TRPM1: variants seen among roughly 807,000 people sequenced by gnomAD.
The protein encoded by TRPM1 is TRPM1-203 APA Isoform, Intron 10.
A neutral mutation model predicts 149.4 loss-of-function variants in TRPM1; 113 were observed. That is an observed-to-expected ratio of 0.76 (90% CI 0.65 to 0.88). The LOEUF is 0.88. Among genes scored for constraint, TRPM1 ranks in the 40% least tolerant of loss-of-function variants. TRPM1 has a pLI of 0.00. For missense variants in TRPM1, 1,976 were observed against 2,038.7 expected, an observed-to-expected ratio of 0.97 and a Z score of 0.59; for synonymous variants, 741 against 759.5, an observed-to-expected ratio of 0.98 and a Z score of 0.40.
intron 1 of TRPM1, among the ~76,000 whole-genome samples, chr15:31,156,195 C>CAAAAA (rs35981768): frequency 2.7e-5 from 1 of 36,636 alleles, no homozygotes. Context: ...AGACCTCTGT[C>CAAAAA]AAAAAAAAAA....
chr15:31,062,529 A>G (rs1483299846), intron 9 of TRPM1, 50 bp downstream of exon 9: 2 of 1,611,204 alleles, frequency 1.2e-6, no homozygotes, highest in Admixed American at 1.7e-5. Flanking sequence ...AGAAAAGGAA[A>G]CATAATTCTC....
At chr15:31,068,387 G>A (rs905708485) in intron 4 of TRPM1, among the ~76,000 whole-genome samples, 4 of 152,138 alleles carry the variant, frequency 2.6e-5, no homozygotes, top group Non-Finnish European at 5.9e-5. Context: ...GAGGTGGGAT[G>A]TTAGAAGGTG....
chr15:31,004,626 C>A (rs2031916186), intron 27 of TRPM1, among the ~76,000 whole-genome samples: 1 of 152,066 alleles, frequency 6.6e-6, no homozygotes, highest in South Asian at 2.1e-4. Context: ...CGTTTGCCAC[C>A]AGGGAGGACC....
At chr15:31,049,616 A>G (rs960790785) in intron 12 of TRPM1, 107 bp from the exon 13 acceptor site, 31 of 1,250,508 alleles carry the variant, frequency 2.5e-5, no homozygotes, top group South Asian at 1.2e-5. Context: ...CAGATTCCAG[A>G]GCACTCCAGC....
In TRPM1 at chr15:31,013,146, GC is replaced by G. The variant is rs1252402072; in HGVS notation, c.3630-10077del. Among the ~76,000 whole-genome samples, 5 of 151,482 alleles carry G rather than the reference GC, an allele frequency of 3.3e-5. No individual in the cohort carries two copies. The East Asian group carries it at 9.7e-4, about 29-fold the overall frequency. The stretch of plus-strand genomic sequence containing the variant: ...CCGGCACCACCATGCTCTGCCAGTT[GC>G]CATGATATGCACCACCATGCCTGTC... On this transcript the variant is annotated intron_variant, in intron 27 of 27. Coordinates refer to ENST00000256552, the MANE Select transcript of TRPM1 (RefSeq NM_001252024.2).
chr15:31,068,041 C>T lies in TRPM1; in HGVS notation c.331G>A (p.Val111Met). The stretch of plus-strand genomic sequence containing the variant: ...GGGAGTTCCAGCTGCCAATCTTTCA[C>T]CATGAGATGGAGCAGTGAGTCTGGC... The part of the protein sequence containing the change: ...TKPDSLLHLM[V>M]KDWQLELPKL... The change falls in exon 5 of 28, where the codon GTG becomes ATG. Residue 111 changes from valine to methionine, a missense_variant. By Grantham distance (21) the Val-to-Met change is conservative (BLOSUM62 1). Coordinates refer to ENST00000256552, the MANE Select transcript of TRPM1 (RefSeq NM_001252024.2). 3 of 1,614,182 alleles carry T rather than the reference C, an allele frequency of 1.9e-6. No homozygotes were observed. Among genetic ancestry groups the T allele is most frequent in the Non-Finnish European group, 2.5e-6 (3 of 1,180,030 alleles).
Position 31,072,989 on chromosome 15 carries a change from G to A in TRPM1, c.84-2763C>T, listed in dbSNP as rs190826929. Among the ~76,000 whole-genome samples, 126 of 151,962 alleles carry A rather than the reference G, an allele frequency of 8.3e-4. 1 individual carries two copies. Among genetic ancestry groups the A allele is most frequent in the South Asian group, 2.1e-3 (10 of 4,808 alleles). ...GTTGTCTTTCCACTTTCTTGATAGC[G>A]TCCCTTGAAGCACAGTGTTTAATTT... On this transcript the variant is annotated intron_variant, in intron 3 of 27. Transcript: ENST00000256552.
chr15:31,128,380 G>A (rs1486201053), intron 1 of TRPM1, among the ~76,000 whole-genome samples: 7 of 152,122 alleles, frequency 4.6e-5, no homozygotes, highest in African/African-American at 9.7e-5. Flanking sequence ...GGGCTGCATC[G>A]TCTGTCTTTG....
At chr15:31,094,677 C>T (rs2035329652) in intron 1 of TRPM1, among the ~76,000 whole-genome samples, 1 of 152,184 alleles carries the variant, frequency 6.6e-6, no homozygotes, top group African/African-American at 2.4e-5. Context: ...CCACTTCATT[C>T]CTACTAGGAT....
intron 20 of TRPM1, among the ~76,000 whole-genome samples, chr15:31,036,976 G>C (rs1425452666): frequency 6.6e-6 from 1 of 152,244 alleles, no homozygotes; most frequent in African/African-American, 2.4e-5. Flanking sequence ...ACCGAGGCCT[G>C]CCTGGCGGGG....
In TRPM1 at chr15:31,063,239, C is replaced by T. The variant is rs368722464; in HGVS notation, c.844G>A (p.Val282Met). The T allele has an allele frequency of 2.7e-5, 43 of 1,614,200 alleles. No individual in the cohort carries two copies. The African/African-American group carries it at 3.6e-4, about 14-fold the overall frequency. Residue 282 changes from valine to methionine, a missense_variant, in exon 8 of 28, where the codon GTG becomes ATG. Val to Met is a conservative substitution (Grantham distance 21). Coordinates refer to ENST00000256552, the MANE Select transcript of TRPM1 (RefSeq NM_001252024.2). Reference sequence around the variant, plus strand: ...AGGTATTCCAAGACGATGGACACCACGTTAGGGCCCCCCTCCACCACGAGA... The same window carrying T: ...AGGTATTCCAAGACGATGGACACCATGTTAGGGCCCCCCTCCACCACGAGA... ...VGLVVEGGPNVVSIVLEYLQE... is the reference protein window; with the variant it reads ...VGLVVEGGPNMVSIVLEYLQE...
chr15:31,053,542 C>A (rs1223830341), intron 11 of TRPM1, among the ~76,000 whole-genome samples: 1 of 152,020 alleles, frequency 6.6e-6, no homozygotes, highest in African/African-American at 2.4e-5. Flanking sequence ...GGATTACAGG[C>A]ATGTAAGCCA....
Position 31,050,592 on chromosome 15 carries a change from A to G in TRPM1, c.1264-10T>C. On this transcript the variant is annotated splice_polypyrimidine_tract_variant and intron_variant, in intron 11 of 27. Coordinates refer to ENST00000256552, the MANE Select transcript of TRPM1 (RefSeq NM_001252024.2). ...CCAGGCTTCCCAGGGGCTGCAGTCC[A>G]CAGCAATCAGAGTTGGGAAATGGTA... 1.2e-6 allele frequency: 2 copies of G among 1,613,956 alleles called. No homozygotes were observed. The highest frequency in any genetic ancestry group is 1.7e-6 in the Non-Finnish European group (2 of 1,179,994).
chr15:31,111,726 G>A (rs1309407397), intron 1 of TRPM1, among the ~76,000 whole-genome samples: 2 of 152,170 alleles, frequency 1.3e-5, no homozygotes, highest in Non-Finnish European at 2.9e-5. Flanking sequence ...CGCCCAGGGC[G>A]TTATTTCTAT....
At chr15:31,131,273 A>G (rs1369249844) in intron 1 of TRPM1, among the ~76,000 whole-genome samples, 2 of 152,076 alleles carry the variant, frequency 1.3e-5, no homozygotes, top group African/African-American at 4.8e-5. Context: ...CACAGCCCCA[A>G]CGCGCAAAAG....
At chr15:31,160,845 G>A in intron 1 of TRPM1, 7 of 1,506,630 alleles carry the variant, frequency 4.6e-6, no homozygotes, top group Non-Finnish European at 6.2e-6. Flanking sequence ...CAGAGCTGGA[G>A]ACCAGTGTCC....
chr15:31,063,366 T>C, intron 7 of TRPM1, 74 bp from the exon 8 acceptor site: 1 of 1,582,168 alleles, frequency 6.3e-7, no homozygotes, highest in East Asian at 2.2e-5. Context: ...ACTCCTGAAG[T>C]ATGGGGAAGA....
At chr15:31,160,343 G>A (rs577282910) in intron 1 of TRPM1, among the ~76,000 whole-genome samples, 1 of 152,272 alleles carries the variant, frequency 6.6e-6, no homozygotes, top group Admixed American at 6.5e-5. Context: ...CCCCACAGCT[G>A]GTGCCTAGTC....
At chr15:31,088,803 G>GC (rs1555427566) in intron 1 of TRPM1, among the ~76,000 whole-genome samples, 1 of 129,126 alleles carries the variant, frequency 7.7e-6, no homozygotes, top group South Asian at 2.1e-4. Flanking sequence ...TCTTTCTGCT[G>GC]GGGGGATGCG....
Sources: gnomAD v4.1 joint callset for allele counts (sites outside exome capture counted in the v4.1 genomes callset) on GRCh38, gnomAD v4.1.1 for gene constraint, MANE v1.5 for transcripts, NCBI Gene and HGNC (gene_info 2026-07-23, HGNC 2026-07-21) for gene names.